Variants in HECW1 observed in about 807,000 individuals in gnomAD.
HECW1 encodes the protein E3 ubiquitin-protein ligase HECW1.
Under a neutral mutation model 182.3 loss-of-function variants are expected in HECW1, and 61 were observed. The ratio of observed to expected loss-of-function variants is 0.33; its 90% CI spans 0.27 to 0.41. HECW1 has a LOEUF of 0.41. HECW1 is among the 10% of genes least tolerant of loss of function. HECW1 has a pLI of 1.00. For synonymous variants in HECW1, 859 were observed against 832.6 expected (o/e 1.03, Z -0.55); for missense variants, 1,739 against 2,108.9 (o/e 0.82, Z 3.44).
chr7:43,320,524 C>A, intron 4 of HECW1, 111 bp from the exon 5 acceptor site: 2 of 738,308 alleles, frequency 2.7e-6, no homozygotes, highest in Admixed American at 2.6e-5. Context: ...GGTGCTTTTT[C>A]TTCTGTTGAG....
intron 2 of HECW1, among the ~76,000 whole-genome samples, chr7:43,152,518 A>G (rs113024278): frequency 1.3e-4 from 20 of 151,922 alleles, no homozygotes; most frequent in African/African-American, 3.9e-4. Context: ...TTTTTTATAG[A>G]CTCATATTCC....
chr7:43,182,961 T>C (rs1358186917), intron 2 of HECW1, among the ~76,000 whole-genome samples: 1 of 152,226 alleles, frequency 6.6e-6, no homozygotes, highest in Non-Finnish European at 1.5e-5. Flanking sequence ...GGTATTGTTT[T>C]CTTGATTACT....
At chr7:43,329,998 T>G (rs1401572572) in intron 5 of HECW1, among the ~76,000 whole-genome samples, 1 of 151,746 alleles carries the variant, frequency 6.6e-6, no homozygotes, top group African/African-American at 2.4e-5. Flanking sequence ...AAGAGGAGAG[T>G]TGAGGACGGA....
intron 4 of HECW1, 54 bp downstream of exon 4, chr7:43,312,141 C>A: frequency 7.0e-7 from 1 of 1,426,316 alleles, no homozygotes. Flanking sequence ...CATATGCTGT[C>A]ACATTTTAAT....
rs78893787 is a variant in HECW1 at position 43,248,259 on chromosome 7, A to T, written c.27+4327A>T. On this transcript the variant is annotated intron_variant, in intron 3 of 29. Transcript: ENST00000395891. ...CTGACAGCAACACCCCTCTCCTGACACAGAATGGGCATTGTTACATCAGTC... is the reference window on the plus strand; with the variant it reads ...CTGACAGCAACACCCCTCTCCTGACTCAGAATGGGCATTGTTACATCAGTC... Among the ~76,000 whole-genome samples, 3 of 152,224 alleles carry T rather than the reference A, an allele frequency of 2.0e-5. No homozygotes were observed. The South Asian group carries it at 6.2e-4, about 32-fold the overall frequency.
At chr7:43,306,253 A>T (rs1690302614) in intron 3 of HECW1, among the ~76,000 whole-genome samples, 1 of 152,200 alleles carries the variant, frequency 6.6e-6, no homozygotes, top group South Asian at 2.1e-4. Flanking sequence ...AATGCTCAGA[A>T]CTATTTTTGT....
chr7:43,179,693 C>T lies in HECW1; in HGVS notation c.-31-64182C>T, dbSNP rs562114389. ...AAATATATTTAGTATTGCTTATTGTCTGTATTAAATACTGCAGCATAGAAT... is the reference window on the plus strand; with the variant it reads ...AAATATATTTAGTATTGCTTATTGTTTGTATTAAATACTGCAGCATAGAAT... On this transcript the variant is annotated intron_variant, in intron 2 of 29. Transcript: ENST00000395891. 2.2e-4 allele frequency among the ~76,000 whole-genome samples: 33 copies of T among 152,222 alleles called. 1 individual carries two copies. In the South Asian group the frequency reaches 6.6e-3, roughly 31 times the overall value.
chr7:43,282,829 C>A (rs1804086838), intron 3 of HECW1, among the ~76,000 whole-genome samples: 1 of 152,074 alleles, frequency 6.6e-6, no homozygotes, highest in South Asian at 2.1e-4. Context: ...CAGAAATTCC[C>A]AGTGTTGGCT....
chr7:43,540,485 G>A (rs935017833), intron 24 of HECW1, among the ~76,000 whole-genome samples: 4 of 152,182 alleles, frequency 2.6e-5, no homozygotes, highest in African/African-American at 9.6e-5. Context: ...AAAATGCTCA[G>A]GAAGTCAATG....
At chr7:43,347,036 G>A (rs938696554) in intron 5 of HECW1, among the ~76,000 whole-genome samples, 4 of 152,076 alleles carry the variant, frequency 2.6e-5, no homozygotes, top group African/African-American at 9.7e-5. Flanking sequence ...AAGAATGATG[G>A]TGGTATTCTG....
At chr7:43,547,764 TC>T (rs2081621685) in intron 26 of HECW1, among the ~76,000 whole-genome samples, 1 of 152,226 alleles carries the variant, frequency 6.6e-6, no homozygotes. Context: ...AATTCAATTT[TC>T]CCTTGTAATA....
chr7:43,463,499 G>A (rs1310742774), intron 13 of HECW1, among the ~76,000 whole-genome samples, 161 bp from the exon 14 acceptor site: 2 of 152,134 alleles, frequency 1.3e-5, no homozygotes, highest in Admixed American at 6.5e-5. Flanking sequence ...AGAGATACTT[G>A]TCTTGCTAAT....
chr7:43,182,840 TC>T (rs1239056961), intron 2 of HECW1, among the ~76,000 whole-genome samples: 1 of 152,202 alleles, frequency 6.6e-6, no homozygotes, highest in Non-Finnish European at 1.5e-5. Flanking sequence ...TGTATTTGTG[TC>T]CTCTTCAATT....
chr7:43,235,834 A>C (rs1420114948), intron 2 of HECW1, among the ~76,000 whole-genome samples: 1 of 152,144 alleles, frequency 6.6e-6, no homozygotes, highest in African/African-American at 2.4e-5. Flanking sequence ...GCCCACAGTA[A>C]CCAGCTCTCT....
chr7:43,130,327 A>G (rs912176337), intron 2 of HECW1, among the ~76,000 whole-genome samples: 13 of 152,200 alleles, frequency 8.5e-5, no homozygotes, highest in Non-Finnish European at 1.6e-4. Context: ...CTAAACGTGA[A>G]ATTCATTTAT....
chr7:43,270,910 G>A (rs777948539), intron 3 of HECW1, among the ~76,000 whole-genome samples: 1 of 152,180 alleles, frequency 6.6e-6, no homozygotes, highest in Non-Finnish European at 1.5e-5. Flanking sequence ...AAAGAAGTAT[G>A]TGGAAACTCT....
chr7:43,216,808 C>T lies in HECW1; in HGVS notation c.-31-27067C>T, dbSNP rs149959302. ...TAGTTGGGATTACAGGCACCCACCA[C>T]CATGCTCGGCTAATTTTTGTATTTT... On this transcript the variant is annotated intron_variant, in intron 2 of 29. Coordinates refer to ENST00000395891, the MANE Select transcript of HECW1 (RefSeq NM_015052.5). Among the ~76,000 whole-genome samples the T allele has an allele frequency of 6.8e-3, 1,037 of 152,288 alleles. 10 individuals are homozygous for T. Among genetic ancestry groups the T allele is most frequent in the African/African-American group, 0.024 (982 of 41,558 alleles).
intron 9 of HECW1, among the ~76,000 whole-genome samples, 154 bp from the exon 10 acceptor site, chr7:43,442,375 C>T (rs11763383): frequency 0.014 from 2,082 of 152,270 alleles, 21 homozygotes; most frequent in Non-Finnish European, 0.022. Context: ...CATCTGTATT[C>T]GATAAGGACT....
chr7:43,115,689 T>C (rs921450333), intron 2 of HECW1, among the ~76,000 whole-genome samples: 1 of 152,220 alleles, frequency 6.6e-6, no homozygotes, highest in African/African-American at 2.4e-5. Context: ...AGTCAAGGTA[T>C]TTGTTGATTC....
Sources: allele counts gnomAD v4.1 joint callset (sites outside exome capture counted in the v4.1 genomes callset), GRCh38; gene constraint gnomAD v4.1.1; transcripts MANE v1.5; gene names NCBI Gene and HGNC (gene_info 2026-07-23, HGNC 2026-07-21).